The following GOSR2 variants were observed in gnomAD, a reference collection of about 807,000 sequenced individuals.
The protein encoded by GOSR2 is golgi SNAP receptor complex member 2, also known as 27 kDa Golgi SNARE protein.
A neutral mutation model predicts 27.9 loss-of-function variants in GOSR2; 20 were observed. The ratio of observed to expected loss-of-function variants is 0.72; its 90% CI spans 0.50 to 1.04. The LOEUF (loss-of-function observed/expected upper bound fraction) is 1.04. Ranked by LOEUF, GOSR2 falls within the 50% of genes least tolerant of loss-of-function variation. The probability of loss-of-function intolerance (pLI) is 0.00; values close to 1 mark genes in which losing one functional copy is unlikely to be tolerated. For missense variants in GOSR2, 261 were observed against 270.5 expected, an observed-to-expected ratio of 0.97 and a Z score of 0.25; for synonymous variants, 91 against 98.8, an observed-to-expected ratio of 0.92 and a Z score of 0.47.
At chr17:46,961,671 A>G (rs563767275) in intron 6 of GOSR2, among the ~76,000 whole-genome samples, 29 of 152,368 alleles carry the variant, frequency 1.9e-4, no homozygotes, top group Middle Eastern at 3.4e-3. Flanking sequence ...ATTTTTTAAA[A>G]AAGGTCCAGC....
rs75921757 is a variant in GOSR2 at position 46,929,841 on chromosome 17, C to G, written c.94+257C>G. 0.065 allele frequency: 31,415 copies of G among 482,616 alleles called. 1,333 individuals are homozygous for G. Among genetic ancestry groups the G allele is most frequent in the Admixed American group, 0.13 (3,924 of 29,688 alleles). 29.9% of individuals were successfully genotyped at this position (482,616 alleles called of 1,614,324 possible). ...CCTATGGGAATGGAAGCGCTTGCCT[C>G]CATCTATCTTAATCTAATTACCTAG... On this transcript the variant is annotated intron_variant, in intron 2 of 5. Coordinates refer to ENST00000640051, the MANE Select transcript of GOSR2 (RefSeq NM_004287.5).
chr17:46,923,323 A>C (rs2085977974), intron 1 of GOSR2, 102 bp downstream of exon 1: 1 of 1,539,192 alleles, frequency 6.5e-7, no homozygotes, highest in South Asian at 1.2e-5. Flanking sequence ...GTAGAGGCCG[A>C]GTTTTTCCGC....
intron 1 of GOSR2, among the ~76,000 whole-genome samples, chr17:46,927,169 T>G (rs1274525316): frequency 2.0e-5 from 3 of 152,354 alleles, no homozygotes; most frequent in Admixed American, 2.0e-4. Flanking sequence ...GTATATTGAT[T>G]GACCATTTGG....
chr17:46,941,564 T>G lies in GOSR2; in HGVS notation c.*2804T>G. On this transcript the variant is annotated 3_prime_UTR_variant, in exon 6 of 6. Coordinates refer to ENST00000640051, the MANE Select transcript of GOSR2 (RefSeq NM_004287.5). ...TGAATTAGAACCTTTTTTAAATCTC[T>G]AAGGTGATTTTATTTTATTTTTTAT... The G allele has an allele frequency of 1.1e-5, 3 of 265,424 alleles. No homozygotes were observed. The highest frequency in any genetic ancestry group is 1.2e-5 in the Non-Finnish European group (2 of 171,838). 16.4% of individuals were successfully genotyped at this position (265,424 alleles called of 1,614,324 possible). A position where few individuals can be genotyped will look rare whatever the true frequency, so the allele number is the denominator to read the frequency against.
Position 46,935,139 on chromosome 17 carries a change from T to C in GOSR2, c.447T>C (p.Asp149=), listed in dbSNP as rs750298260. 2.0e-5 allele frequency: 33 copies of C among 1,614,028 alleles called. No individual in the cohort carries two copies. The East Asian group carries it at 6.2e-4, about 31-fold the overall frequency. The change falls in exon 5 of 6, where the codon GAT becomes GAC. Residue 149 remains aspartate, a synonymous_variant. Transcript: ENST00000640051. The part of the protein sequence containing the change: ...DLILDGHNIL[D]GLRTQRLTLK... ...TTTTAGATGGGCACAATATTTTAGA[T>C]GGACTGAGGACCCAGAGACTGACCT... is the stretch of plus-strand genomic sequence containing the variant.
intron 6 of GOSR2, among the ~76,000 whole-genome samples, chr17:46,961,239 A>G (rs1388706528): frequency 6.6e-6 from 1 of 152,230 alleles, no homozygotes; most frequent in Non-Finnish European, 1.5e-5. Context: ...TTTTCAAACT[A>G]GTAGAGACTA....
intron 2 of GOSR2, 173 bp from the exon 3 acceptor site, chr17:46,930,926 A>G (rs1208626266): frequency 8.1e-6 from 5 of 621,106 alleles, no homozygotes; most frequent in South Asian, 6.0e-5. Flanking sequence ...TCAAAACAAC[A>G]TTTACGGCCT....
intron 6 of GOSR2, among the ~76,000 whole-genome samples, chr17:46,951,239 G>C (rs988943972): frequency 6.6e-6 from 1 of 152,194 alleles, no homozygotes; most frequent in Non-Finnish European, 1.5e-5. Flanking sequence ...TGGAACGGCG[G>C]GTTCCAGAGG....
intron 6 of GOSR2, among the ~76,000 whole-genome samples, chr17:46,955,190 A>G (rs1400584966): frequency 6.6e-6 from 1 of 152,012 alleles, no homozygotes; most frequent in Non-Finnish European, 1.5e-5. Context: ...GATACGTCCC[A>G]TCAATACCTA....
chr17:46,972,493 C>T (rs1263934076), intron 6 of GOSR2, among the ~76,000 whole-genome samples: 2 of 152,224 alleles, frequency 1.3e-5, no homozygotes, highest in African/African-American at 4.8e-5. Context: ...CTTTGGAGCA[C>T]AAGGTGGAAT....
At chr17:46,947,852 T>G (rs1324837223) in intron 6 of GOSR2, among the ~76,000 whole-genome samples, 1 of 152,230 alleles carries the variant, frequency 6.6e-6, no homozygotes, top group Admixed American at 6.5e-5. Context: ...CACCGTAACC[T>G]CCGCCTCCCG....
chr17:46,936,673 G>A, intron 5 of GOSR2: 7 of 985,168 alleles, frequency 7.1e-6, no homozygotes, highest in Non-Finnish European at 7.2e-6. Flanking sequence ...TCATTTTCAA[G>A]TGATTTAGAA....
At chr17:46,930,046 C>T (rs117407324) in intron 2 of GOSR2, 38 of 36,930 alleles carry the variant, frequency 1.0e-3, no homozygotes, top group Non-Finnish European at 1.2e-3. Flanking sequence ...TGTTTTTTTT[C>T]ATTTTTTTTT....
At position 46,938,849 on chromosome 17, in the gene GOSR2, T is replaced by A; in HGVS notation, c.*89T>A. 1 of 1,597,092 alleles carries A rather than the reference T, an allele frequency of 6.3e-7. No individual in the cohort carries two copies. Among genetic ancestry groups the A allele is most frequent in the Non-Finnish European group, 8.5e-7 (1 of 1,174,474 alleles). ...AGAGAGGGGGGCCCAGAGGCCGCCTTTTGAAATGTTTGCCTGTCTGAACTG... is the reference window on the plus strand; with the variant it reads ...AGAGAGGGGGGCCCAGAGGCCGCCTATTGAAATGTTTGCCTGTCTGAACTG... On this transcript the variant is annotated 3_prime_UTR_variant, in exon 6 of 6. Coordinates refer to ENST00000640051, the MANE Select transcript of GOSR2 (RefSeq NM_004287.5).
intron 6 of GOSR2, among the ~76,000 whole-genome samples, chr17:46,954,488 C>A (rs1475593054): frequency 6.6e-6 from 1 of 151,858 alleles, no homozygotes; most frequent in African/African-American, 2.4e-5. Context: ...CAGCTTTGTT[C>A]TTTTGGCCTT....
intron 1 of GOSR2, among the ~76,000 whole-genome samples, chr17:46,927,943 C>G (rs2086733007): frequency 1.3e-5 from 2 of 152,168 alleles, no homozygotes; most frequent in Admixed American, 1.3e-4. Flanking sequence ...CAGCCTGCGT[C>G]AGGACTTCCT....
chr17:46,967,796 A>G (rs1284828251), downstream of GOSR2, among the ~76,000 whole-genome samples: 1 of 151,960 alleles, frequency 6.6e-6, no homozygotes, highest in African/African-American at 2.4e-5. Context: ...TGGGCAAATC[A>G]CCTTGGTGGC....
intron 4 of GOSR2, among the ~76,000 whole-genome samples, chr17:46,934,557 A>G (rs1455386120): frequency 6.6e-6 from 1 of 152,296 alleles, no homozygotes; most frequent in Non-Finnish European, 1.5e-5. Flanking sequence ...AGCCTCCTCT[A>G]TCCTTAGTTA....
intron 5 of GOSR2, chr17:46,935,708 A>G (rs951421144): frequency 3.0e-6 from 3 of 989,320 alleles, no homozygotes; most frequent in African/African-American, 3.5e-5. Context: ...TGGTGATCCC[A>G]GCGACTCTTC....
Sources: allele counts gnomAD v4.1 joint callset (sites outside exome capture counted in the v4.1 genomes callset), GRCh38; gene constraint gnomAD v4.1.1; transcripts MANE v1.5; gene names NCBI Gene and HGNC (gene_info 2026-07-23, HGNC 2026-07-21).